The following CMIP variants were observed in gnomAD, a reference collection of about 807,000 sequenced individuals.
The protein encoded by CMIP is C-Maf-inducing protein.
A neutral mutation model predicts 97.3 loss-of-function variants in CMIP; 13 were observed. That is an observed-to-expected ratio of 0.13 (90% CI 0.09 to 0.21). The LOEUF (loss-of-function observed/expected upper bound fraction) is 0.21, where lower values mean the gene tolerates loss of function less well. Ranked by LOEUF, CMIP falls within the 10% of genes least tolerant of loss-of-function variation. The pLI is 1.00. For synonymous variants in CMIP, 538 were observed against 436.3 expected (o/e 1.23, Z -2.91); for missense variants, 847 against 1,024.9 (o/e 0.83, Z 2.37).
chr16:81,538,811 A>G (rs1241490425), intron 1 of CMIP, among the ~76,000 whole-genome samples: 1 of 151,870 alleles, frequency 6.6e-6, no homozygotes, highest in Non-Finnish European at 1.5e-5. Context: ...GGGCAATAAT[A>G]TGATTATCAG....
intron 1 of CMIP, among the ~76,000 whole-genome samples, chr16:81,600,947 G>C (rs11860671): frequency 1.4e-3 from 217 of 152,292 alleles, no homozygotes; most frequent in African/African-American, 5.0e-3. Context: ...CCCAGGGTGT[G>C]TGTGCAGGTC....
chr16:81,448,469 T>G (rs1234289926), intron 1 of CMIP, among the ~76,000 whole-genome samples: 1 of 152,222 alleles, frequency 6.6e-6, no homozygotes, highest in African/African-American at 2.4e-5. Flanking sequence ...TGACACCGGC[T>G]AGGTACACCT....
intron 10 of CMIP, among the ~76,000 whole-genome samples, chr16:81,684,819 T>C (rs1053106391): frequency 2.0e-4 from 31 of 152,276 alleles, no homozygotes; most frequent in African/African-American, 6.7e-4. Flanking sequence ...CCCAGCCTTC[T>C]TTTCTCCTTC....
chr16:81,670,030 T>G (rs2092666824), intron 7 of CMIP, 112 bp from the exon 8 acceptor site: 1 of 1,007,714 alleles, frequency 9.9e-7, no homozygotes, highest in Non-Finnish European at 1.5e-6. Context: ...GCCTTCCACA[T>G]CAACAGCTCC....
At position 81,505,909 on chromosome 16, in the gene CMIP, C is replaced by T. The variant is rs566769547; in HGVS notation, c.300+60368C>T. On this transcript the variant is annotated intron_variant, in intron 1 of 20. Coordinates refer to ENST00000537098, the MANE Select transcript of CMIP (RefSeq NM_198390.3). ...ATTCGGGAGGCTGAGGCAGGAGAAT[C>T]ACTTGAACCCGGGAGGTGGAGGTTG... 4.5e-3 allele frequency among the ~76,000 whole-genome samples: 691 copies of T among 152,330 alleles called. 4 individuals carry two copies. Among genetic ancestry groups the T allele is most frequent in the Middle Eastern group, 0.01 (3 of 294 alleles).
chr16:81,662,107 G>A (rs1200168652), intron 6 of CMIP, among the ~76,000 whole-genome samples: 1 of 152,066 alleles, frequency 6.6e-6, no homozygotes, highest in Admixed American at 6.6e-5. Flanking sequence ...CCAGAAGAGT[G>A]GAATTAAATA....
rs778090882 is a variant in CMIP at position 81,702,704 on chromosome 16, A to G, written c.1944+35A>G. 2.6e-4 allele frequency: 412 copies of G among 1,600,880 alleles called. 1 individual carries two copies. The highest frequency in any genetic ancestry group is 1.3e-3 in the Admixed American group (75 of 59,020). On this transcript the variant is annotated intron_variant, in intron 17 of 20. Coordinates refer to ENST00000537098, the MANE Select transcript of CMIP (RefSeq NM_198390.3). Reference sequence around the variant, plus strand: ...TTTGGTTCTCTTTGGGGCTGGATGGAGAAGGTGGGTTGGTCCTCTCTGTTG... The same window carrying G: ...TTTGGTTCTCTTTGGGGCTGGATGGGGAAGGTGGGTTGGTCCTCTCTGTTG...
At chr16:81,527,991 G>C (rs7196272) in intron 1 of CMIP, among the ~76,000 whole-genome samples, 8,040 of 152,208 alleles carry the variant, frequency 0.053, 248 homozygotes, top group Middle Eastern at 0.088. Context: ...ACCTTTTGTA[G>C]AGAAAACCAA....
At chr16:81,584,167 C>A (rs1025415374) in intron 1 of CMIP, among the ~76,000 whole-genome samples, 1 of 152,014 alleles carries the variant, frequency 6.6e-6, no homozygotes, top group Non-Finnish European at 1.5e-5. Context: ...GGAAGACGGC[C>A]CCTAGCGCCC....
chr16:81,562,533 C>T (rs2090903329), intron 1 of CMIP, among the ~76,000 whole-genome samples: 1 of 152,240 alleles, frequency 6.6e-6, no homozygotes, highest in South Asian at 2.1e-4. Context: ...GATCCCTGGG[C>T]TGGGGCCCAT....
chr16:81,625,160 C>T (rs775540566), intron 3 of CMIP, among the ~76,000 whole-genome samples: 7 of 152,216 alleles, frequency 4.6e-5, no homozygotes, highest in Admixed American at 3.3e-4. Flanking sequence ...CCAGCCCTCC[C>T]GGCCTGGCCT....
intron 2 of CMIP, among the ~76,000 whole-genome samples, chr16:81,609,307 G>A (rs9933376): frequency 0.026 from 4,027 of 152,072 alleles, 175 homozygotes; most frequent in African/African-American, 0.093. Flanking sequence ...CTCTTCACTC[G>A]CTCCTTCTTG....
chr16:81,509,533 G>A (rs1048423012), intron 1 of CMIP, among the ~76,000 whole-genome samples: 1 of 152,164 alleles, frequency 6.6e-6, no homozygotes, highest in African/African-American at 2.4e-5. Context: ...CTTTCATGTT[G>A]GTGCCTGATG....
At chr16:81,647,494 C>T (rs760580250) in intron 3 of CMIP, among the ~76,000 whole-genome samples, 1 of 152,144 alleles carries the variant, frequency 6.6e-6, no homozygotes, top group Non-Finnish European at 1.5e-5. Context: ...GTGAAAACAC[C>T]AGGTCGTGTG....
chr16:81,500,351 C>A (rs796528678), intron 1 of CMIP, among the ~76,000 whole-genome samples: 1 of 79,690 alleles, frequency 1.3e-5, no homozygotes, highest in African/African-American at 4.5e-5. Context: ...CCCTCCCTCT[C>A]TCCTTTCCTC....
At chr16:81,704,319 C>A in intron 18 of CMIP, among the ~76,000 whole-genome samples, 1 of 43,452 alleles carries the variant, frequency 2.3e-5, no homozygotes, top group East Asian at 6.7e-4. Flanking sequence ...TCCCTGTCCC[C>A]CTTACTCTCC....
chr16:81,681,822 T>TA (rs760585391), intron 10 of CMIP, among the ~76,000 whole-genome samples: 16 of 152,180 alleles, frequency 1.1e-4, no homozygotes, highest in Non-Finnish European at 2.2e-4. Context: ...TTCTTGTCTG[T>TA]AAAATGCATG....
At chr16:81,687,329 G>C (rs750216332) in intron 10 of CMIP, among the ~76,000 whole-genome samples, 3 of 152,194 alleles carry the variant, frequency 2.0e-5, no homozygotes, top group Admixed American at 1.3e-4. Context: ...GGACAGCTCT[G>C]TGATTCGGAT....
chr16:81,603,444 G>A (rs1316096215), intron 1 of CMIP: 4 of 454,374 alleles, frequency 8.8e-6, no homozygotes, highest in East Asian at 1.4e-4. Flanking sequence ...GGAAAGCGAC[G>A]AGGATACCCC....
Sources: allele counts gnomAD v4.1 joint callset (sites outside exome capture counted in the v4.1 genomes callset), GRCh38; gene constraint gnomAD v4.1.1; transcripts MANE v1.5; gene names NCBI Gene and HGNC (gene_info 2026-07-23, HGNC 2026-07-21).